Variants in AGTRAP observed in about 807,000 individuals in gnomAD.
The protein encoded by AGTRAP is angiotensin II receptor associated protein.
In AGTRAP, 7 loss-of-function variants were observed where a neutral mutation model predicts 15.2. The ratio of observed to expected loss-of-function variants is 0.46; its 90% CI spans 0.26 to 0.87. AGTRAP has a LOEUF of 0.87. AGTRAP is among the 40% of genes least tolerant of loss of function. The pLI is 0.15. For missense variants in AGTRAP, 187 were observed against 213.4 expected (o/e 0.88, Z 0.77); for synonymous variants, 74 against 89.6 (o/e 0.83, Z 0.98).
intron 1 of AGTRAP, among the ~76,000 whole-genome samples, chr1:11,740,389 G>A (rs999970713): frequency 6.6e-6 from 1 of 152,194 alleles, no homozygotes. Flanking sequence ...GCTTCTGGAC[G>A]TTTCTTTTCC....
chr1:11,736,433 G>A (rs1162062925), intron 1 of AGTRAP, among the ~76,000 whole-genome samples, 198 bp downstream of exon 1: 1 of 152,226 alleles, frequency 6.6e-6, no homozygotes, highest in Non-Finnish European at 1.5e-5. Context: ...GGCCAGCAGG[G>A]CGACACTGAG....
chr1:11,743,528 G>A (rs568017423), intron 1 of AGTRAP, among the ~76,000 whole-genome samples: 1 of 150,770 alleles, frequency 6.6e-6, no homozygotes, highest in Non-Finnish European at 1.5e-5. Flanking sequence ...TTACAGGGGT[G>A]AGCCACCGCG....
At chr1:11,742,359 A>G (rs1022268216) in intron 1 of AGTRAP, among the ~76,000 whole-genome samples, 1 of 152,172 alleles carries the variant, frequency 6.6e-6, no homozygotes, top group Non-Finnish European at 1.5e-5. Flanking sequence ...TAACTCTTCT[A>G]GAAATGCTTT....
rs760948310 is a variant in AGTRAP, at chr1:11,736,171, C to T, written c.-38C>T. 2.0e-5 allele frequency: 32 copies of T among 1,589,648 alleles called. No individual in the cohort carries two copies. The highest frequency in any genetic ancestry group is 3.6e-5 in the Admixed American group (2 of 55,488). On this transcript the variant is annotated 5_prime_UTR_variant, in exon 1 of 5. Transcript: ENST00000314340. ...CCCGAGTTCGGAGCCTAGGAGCCCC[C>T]CGCGGCTGCGGCGCAGGTGCCCTCG...
chr1:11,744,600 G>A (rs1387721810), intron 1 of AGTRAP: 10 of 714,022 alleles, frequency 1.4e-5, no homozygotes, highest in Admixed American at 6.1e-5. Context: ...TCCCATCGAG[G>A]CCTCTTCTGA....
Position 11,750,334 on chromosome 1 carries a change from G to T in AGTRAP, c.*142G>T. ...GGGATTGCCTGAACCAAGAGGCCAG[G>T]AGCCCCCATGGGCCGCCCAGTACCA... is the stretch of plus-strand genomic sequence containing the variant. On this transcript the variant is annotated 3_prime_UTR_variant, in exon 5 of 5. Transcript: ENST00000314340. 1 of 810,558 alleles carries T rather than the reference G, an allele frequency of 1.2e-6. No individual in the cohort carries two copies. The highest frequency in any genetic ancestry group is 2.1e-6 in the Non-Finnish European group (1 of 485,908). 50.2% of individuals were successfully genotyped at this position (810,558 alleles called of 1,614,324 possible). A position where few individuals can be genotyped will look rare whatever the true frequency, so the allele number is the denominator to read the frequency against.
At chr1:11,744,622 A>T (rs1051341716) in intron 1 of AGTRAP, 3 of 707,804 alleles carry the variant, frequency 4.2e-6, no homozygotes, top group African/African-American at 3.5e-5. Flanking sequence ...TTCAGAGCAG[A>T]TTCCCTGCAT....
At chr1:11,740,690 C>T (rs920265939) in intron 1 of AGTRAP, among the ~76,000 whole-genome samples, 2 of 152,188 alleles carry the variant, frequency 1.3e-5, no homozygotes, top group Non-Finnish European at 2.9e-5. Context: ...TGCTAACTGC[C>T]ATTCTTTCCG....
Position 11,748,421 on chromosome 1 carries a change from G to A in AGTRAP, c.175G>A (p.Gly59Ser). Residue 59 changes from glycine to serine, a missense_variant, in exon 4 of 5, where the codon GGT becomes AGT. By Grantham distance (56) the Gly-to-Ser change is moderately conservative. Coordinates refer to ENST00000314340, the MANE Select transcript of AGTRAP (RefSeq NM_020350.5). The stretch of plus-strand genomic sequence containing the variant: ...AGTGTGGTGTGTCTTGCAGTTTCTG[G>A]GTGGCTTGCTGGCCACCATCTTCCT... ...DSIDAISMFL[G>S]GLLATIFLDI... The A allele has an allele frequency of 5.6e-6, 9 of 1,613,362 alleles. No homozygotes were observed. The highest frequency in any genetic ancestry group is 6.8e-6 in the Non-Finnish European group (8 of 1,179,746).
At chr1:11,749,586 C>T (rs1179762644) in intron 4 of AGTRAP, among the ~76,000 whole-genome samples, 1 of 152,216 alleles carries the variant, frequency 6.6e-6, no homozygotes, top group African/African-American at 2.4e-5. Context: ...GCCTTGGACC[C>T]AGCCCCAGCC....
In AGTRAP at chr1:11,745,709, G is replaced by A. The variant is rs534315448; in HGVS notation, c.28-94G>A. ...ACTGAGGCCCTCAGAGGTGCCAGGC[G>A]CAGGGGCGTCCTGTGTTTTCTGCAC... On this transcript the variant is annotated intron_variant, in intron 1 of 4. Coordinates refer to ENST00000314340, the MANE Select transcript of AGTRAP (RefSeq NM_020350.5). The surrounding 1 kb of genome is among the most constrained non-coding windows in gnomAD (Gnocchi z 4.2). 252 of 1,375,812 alleles carry A rather than the reference G, an allele frequency of 1.8e-4. No homozygotes were observed. In the South Asian group the frequency reaches 2.0e-3, roughly 11 times the overall value. The allele number at this position is 1,375,812 out of a possible 1,614,324, so 85.2% of individuals were successfully genotyped here.
intron 1 of AGTRAP, among the ~76,000 whole-genome samples, chr1:11,743,710 G>T (rs979161134): frequency 3.3e-5 from 5 of 151,944 alleles, no homozygotes; most frequent in African/African-American, 1.2e-4. Flanking sequence ...GGGATTACAG[G>T]CATGTGCCAC....
At chr1:11,738,152 T>A (rs1305401687) in intron 1 of AGTRAP, among the ~76,000 whole-genome samples, 2 of 152,192 alleles carry the variant, frequency 1.3e-5, no homozygotes, top group African/African-American at 4.8e-5. Flanking sequence ...TTAGGGGATG[T>A]TCTGAGTTCA....
At chr1:11,747,336 G>A in intron 2 of AGTRAP, 104 bp from the exon 3 acceptor site, 1 of 1,066,000 alleles carries the variant, frequency 9.4e-7, no homozygotes, top group Non-Finnish European at 1.4e-6. Context: ...TGGCCTCGAA[G>A]ACTATGGCAT....
intron 1 of AGTRAP, among the ~76,000 whole-genome samples, chr1:11,743,350 A>G (rs987784230): frequency 6.6e-6 from 1 of 151,062 alleles, no homozygotes; most frequent in African/African-American, 2.4e-5. Context: ...GGTTCAAGTA[A>G]TTTTCGTGCC....
chr1:11,750,125 C>T lies in AGTRAP; in HGVS notation c.413C>T (p.Ser138Leu). ...QDRSAYQTID[S>L]AEAPADPFAV... ...CGTAGTGCCTACCAGACGATTGACT[C>T]AGCAGAGGCGCCCGCAGATCCCTTT... The change falls in exon 5 of 5, where the codon TCA becomes TTA. Residue 138 changes from serine (S) to leucine (L), a missense_variant. Ser to Leu is a moderately radical substitution (Grantham distance 145). Coordinates refer to ENST00000314340, the MANE Select transcript of AGTRAP (RefSeq NM_020350.5). 3 of 1,614,118 alleles carry T rather than the reference C, an allele frequency of 1.9e-6. No individual in the cohort carries two copies. The highest frequency in any genetic ancestry group is 2.5e-6 in the Non-Finnish European group (3 of 1,180,028).
intron 3 of AGTRAP, among the ~76,000 whole-genome samples, chr1:11,748,023 C>G (rs751365002): frequency 6.6e-6 from 1 of 152,156 alleles, no homozygotes; most frequent in African/African-American, 2.4e-5. Flanking sequence ...TGAGCACTCC[C>G]GCACGGGCTC....
In AGTRAP at chr1:11,745,895, C is replaced by T. The variant is rs1399394062; in HGVS notation, c.62+58C>T. 4 of 1,603,588 alleles carry T rather than the reference C, an allele frequency of 2.5e-6. No homozygotes were observed. The highest frequency in any genetic ancestry group is 2.6e-6 in the Non-Finnish European group (3 of 1,170,530). ...CTGCGGTCTCAGGGTCTGTGTCAGC[C>T]GGGTCAGGTCCTGGTTCTGCCGTGT... is the stretch of plus-strand genomic sequence containing the variant. On this transcript the variant is annotated intron_variant, in intron 2 of 4. Transcript: ENST00000314340. The surrounding 1 kb of genome is among the most constrained non-coding windows in gnomAD (Gnocchi z 4.2).
At chr1:11,746,239 TG>T in intron 2 of AGTRAP, 2 of 1,585,878 alleles carry the variant, frequency 1.3e-6, no homozygotes, top group Non-Finnish European at 8.6e-7. Context: ...TAATGTGAAC[TG>T]TAACCATCAT....
Sources: allele counts gnomAD v4.1 joint callset (sites outside exome capture counted in the v4.1 genomes callset), GRCh38; gene constraint gnomAD v4.1.1; non-coding constraint Gnocchi (gnomAD v3.1); transcripts MANE v1.5; gene names NCBI Gene and HGNC (gene_info 2026-07-23, HGNC 2026-07-21).